The following FARS2 variants were observed in gnomAD, a reference collection of about 807,000 sequenced individuals.
FARS2 encodes phenylalanine--tRNA ligase, mitochondrial.
A neutral mutation model predicts 46.4 loss-of-function variants in FARS2; 40 were observed. The ratio of observed to expected loss-of-function variants is 0.86; its 90% CI spans 0.67 to 1.12. The LOEUF is 1.12. Among genes scored for constraint, FARS2 ranks in the 50% most tolerant of loss-of-function variants. FARS2 has a pLI of 0.00. For synonymous variants in FARS2, 234 were observed against 214.9 expected (o/e 1.09, Z -0.78); for missense variants, 513 against 567.9 (o/e 0.90, Z 0.98).
chr6:5,768,294 T>G (rs2150986857), intron 6 of FARS2, among the ~76,000 whole-genome samples: 1 of 152,354 alleles, frequency 6.6e-6, no homozygotes, highest in Middle Eastern at 3.4e-3. Flanking sequence ...TTATGAGTAT[T>G]TATCTCATAA....
At chr6:5,279,213 TA>T (rs1450569404) in intron 1 of FARS2, among the ~76,000 whole-genome samples, 5 of 151,620 alleles carry the variant, frequency 3.3e-5, no homozygotes, top group Middle Eastern at 3.4e-3. Context: ...CCGTCTCTAC[TA>T]AAAATACAAA....
intron 1 of FARS2, among the ~76,000 whole-genome samples, chr6:5,339,129 A>T (rs1771374221): frequency 2.0e-5 from 3 of 152,208 alleles, no homozygotes; most frequent in African/African-American, 7.2e-5. Flanking sequence ...CTGTGGCCAA[A>T]GCCAGGACTT....
intron 5 of FARS2, among the ~76,000 whole-genome samples, chr6:5,574,308 T>C (rs558959485): frequency 1.3e-5 from 2 of 152,230 alleles, no homozygotes; most frequent in Admixed American, 1.3e-4. Flanking sequence ...GTATTTTTAG[T>C]AGAGATGGGG....
chr6:5,541,120 A>T (rs1770604131), intron 4 of FARS2, among the ~76,000 whole-genome samples: 1 of 152,166 alleles, frequency 6.6e-6, no homozygotes, highest in South Asian at 2.1e-4. Flanking sequence ...GTTTAAATAT[A>T]TATGTAAGCT....
intron 5 of FARS2, among the ~76,000 whole-genome samples, chr6:5,550,919 C>T (rs1771334601): frequency 6.6e-6 from 1 of 152,184 alleles, no homozygotes; most frequent in Non-Finnish European, 1.5e-5. Context: ...ATACCCTGAT[C>T]CTTCAAAACT....
intron 4 of FARS2, among the ~76,000 whole-genome samples, chr6:5,479,360 G>A (rs1766311317): frequency 6.6e-6 from 1 of 152,208 alleles, no homozygotes; most frequent in Non-Finnish European, 1.5e-5. Flanking sequence ...CAGTGGGAGA[G>A]GCAACATGAC....
At chr6:5,613,997 A>C (rs945071513) in intron 6 of FARS2, among the ~76,000 whole-genome samples, 6 of 152,070 alleles carry the variant, frequency 3.9e-5, no homozygotes, top group African/African-American at 1.4e-4. Flanking sequence ...TGGGGGGAAA[A>C]GGGCACATGA....
rs11327256 is a variant in FARS2, at chr6:5,616,010, T to TAA, written c.1217+2714_1217+2715dup. 0.022 allele frequency among the ~76,000 whole-genome samples: 2,148 copies of TAA among 95,722 alleles called. 125 individuals are homozygous for TAA. The East Asian group carries it at 0.28, about 13-fold the overall frequency. 62.8% of individuals were successfully genotyped at this position (95,722 alleles called of 152,430 possible). ...ACTTCAGATTGTAACCCATAGCTCT[T>TAA]AAAAAAAAAAAAAAAAAAAAAAAAA... is the stretch of plus-strand genomic sequence containing the variant. On this transcript the variant is annotated intron_variant, in intron 6 of 6. Transcript: ENST00000274680.
chr6:5,499,909 A>C (rs1767689161), intron 4 of FARS2, among the ~76,000 whole-genome samples: 1 of 152,156 alleles, frequency 6.6e-6, no homozygotes, highest in Non-Finnish European at 1.5e-5. Context: ...TTGGTTTTCA[A>C]CTGTCCCTGT....
intron 6 of FARS2, among the ~76,000 whole-genome samples, chr6:5,721,425 G>A (rs943464976): frequency 3.9e-5 from 6 of 152,284 alleles, no homozygotes; most frequent in South Asian, 2.1e-4. Context: ...AAAGTTAGTT[G>A]CATTGTGAAA....
chr6:5,350,491 T>A (rs753528236), intron 1 of FARS2, among the ~76,000 whole-genome samples: 6 of 152,094 alleles, frequency 3.9e-5, no homozygotes, highest in Non-Finnish European at 7.4e-5. Context: ...CAGAGATCAG[T>A]GGAACAGAAT....
intron 6 of FARS2, among the ~76,000 whole-genome samples, chr6:5,702,750 G>A (rs1482127052): frequency 6.6e-6 from 1 of 152,164 alleles, no homozygotes; most frequent in African/African-American, 2.4e-5. Context: ...TGGTTACTTG[G>A]GTTTTATAGC....
At chr6:5,414,672 T>G (rs1762117781) in intron 3 of FARS2, among the ~76,000 whole-genome samples, 1 of 152,194 alleles carries the variant, frequency 6.6e-6, no homozygotes, top group Non-Finnish European at 1.5e-5. Context: ...TTGTTGGCTA[T>G]TTGGGTTGTT....
At chr6:5,275,726 T>C (rs911322697) in intron 1 of FARS2, among the ~76,000 whole-genome samples, 2 of 152,086 alleles carry the variant, frequency 1.3e-5, no homozygotes, top group African/African-American at 4.8e-5. Flanking sequence ...AGGATTTAGG[T>C]TTAGATTTTA....
chr6:5,564,853 T>C (rs1772233540), intron 5 of FARS2, among the ~76,000 whole-genome samples: 1 of 152,208 alleles, frequency 6.6e-6, no homozygotes, highest in Admixed American at 6.5e-5. Context: ...TGTCATTCTT[T>C]ACTGACCACA....
chr6:5,579,742 A>T (rs1773217583), intron 5 of FARS2, among the ~76,000 whole-genome samples: 1 of 152,154 alleles, frequency 6.6e-6, no homozygotes. Flanking sequence ...TTGAGTTATT[A>T]ATGATTTCTC....
chr6:5,368,167 G>A (rs528006957), intron 1 of FARS2, among the ~76,000 whole-genome samples: 3 of 152,208 alleles, frequency 2.0e-5, no homozygotes, highest in South Asian at 2.1e-4. Context: ...GTCCAATTAA[G>A]TTCTGTATTT....
At chr6:5,385,647 G>T (rs1581949263) in intron 2 of FARS2, among the ~76,000 whole-genome samples, 1 of 151,906 alleles carries the variant, frequency 6.6e-6, no homozygotes, top group African/African-American at 2.4e-5. Flanking sequence ...GATGGTCTTG[G>T]TCTCTTGACC....
At chr6:5,588,760 C>A (rs754402203) in intron 5 of FARS2, among the ~76,000 whole-genome samples, 8 of 152,206 alleles carry the variant, frequency 5.3e-5, no homozygotes, top group Non-Finnish European at 7.3e-5. Context: ...TTGCTAGGTT[C>A]TTTCGCGTGC....
Sources: allele counts gnomAD v4.1 joint callset (sites outside exome capture counted in the v4.1 genomes callset), GRCh38; gene constraint gnomAD v4.1.1; transcripts MANE v1.5; gene names NCBI Gene and HGNC (gene_info 2026-07-23, HGNC 2026-07-21).